ANKRD12: variants seen among roughly 807,000 people sequenced by gnomAD.
The protein encoded by ANKRD12 is ankyrin repeat domain-containing protein 12.
ANKRD12 carries 85 observed loss-of-function variants against 183.4 expected under a neutral mutation model. The ratio of observed to expected loss-of-function variants is 0.46; its 90% CI spans 0.39 to 0.56. ANKRD12 has a LOEUF of 0.56. ANKRD12 is among the 20% of genes least tolerant of loss of function. The probability of loss-of-function intolerance (pLI) is 0.00; values close to 1 mark genes in which losing one functional copy is unlikely to be tolerated. For missense variants in ANKRD12, 2,405 were observed against 2,357.1 expected (o/e 1.02, Z -0.42); for synonymous variants, 914 against 800.2 (o/e 1.14, Z -2.40).
intron 1 of ANKRD12, among the ~76,000 whole-genome samples, chr18:9,179,001 A>G (rs1371599956): frequency 6.6e-6 from 1 of 152,102 alleles, no homozygotes; most frequent in Non-Finnish European, 1.5e-5. Context: ...ATTCTTACAC[A>G]TATTTTGTTA....
chr18:9,230,711 T>A (rs1181991578), intron 8 of ANKRD12, among the ~76,000 whole-genome samples: 1 of 151,760 alleles, frequency 6.6e-6, no homozygotes, highest in East Asian at 1.9e-4. Flanking sequence ...CAGGCTTGAG[T>A]GCAGTGGCAC....
intron 1 of ANKRD12, among the ~76,000 whole-genome samples, chr18:9,141,342 C>A (rs958388421): frequency 6.6e-6 from 1 of 152,120 alleles, no homozygotes; most frequent in African/African-American, 2.4e-5. Context: ...CTATTGATAT[C>A]ATGCTTCTAA....
At chr18:9,174,087 T>C (rs1397801172) in intron 1 of ANKRD12, among the ~76,000 whole-genome samples, 1 of 152,196 alleles carries the variant, frequency 6.6e-6, no homozygotes, top group Non-Finnish European at 1.5e-5. Flanking sequence ...GGCCACGATC[T>C]GGCACAGCAG....
At chr18:9,180,891 T>C (rs542269816) in intron 1 of ANKRD12, among the ~76,000 whole-genome samples, 87 of 152,316 alleles carry the variant, frequency 5.7e-4, no homozygotes, top group African/African-American at 1.9e-3. Context: ...AAAGGAGACA[T>C]TGTTTTATCT....
chr18:9,224,951 T>C (rs1235229465), intron 8 of ANKRD12, among the ~76,000 whole-genome samples: 1 of 152,172 alleles, frequency 6.6e-6, no homozygotes, highest in East Asian at 1.9e-4. Flanking sequence ...TAAAAAGTCT[T>C]GTGGGCTGGG....
chr18:9,202,849 A>G (rs1452774821), intron 3 of ANKRD12, among the ~76,000 whole-genome samples: 2 of 152,216 alleles, frequency 1.3e-5, no homozygotes, highest in Admixed American at 6.5e-5. Context: ...GATGCCCCCA[A>G]TAGAAACATA....
chr18:9,260,444 A>G (rs2038898241), intron 9 of ANKRD12: 1 of 152,202 alleles, frequency 6.6e-6, no homozygotes, highest in African/African-American at 2.4e-5. Context: ...ATTTAATCAA[A>G]ATGCTGCCAT....
At chr18:9,251,667 G>A (rs960416354) in intron 8 of ANKRD12, among the ~76,000 whole-genome samples, 4 of 152,032 alleles carry the variant, frequency 2.6e-5, no homozygotes, top group Non-Finnish European at 4.4e-5. Flanking sequence ...GGTGGCAGGC[G>A]CCTGTAGTCC....
At chr18:9,181,461 G>A (rs2033695433) in intron 1 of ANKRD12, among the ~76,000 whole-genome samples, 1 of 152,166 alleles carries the variant, frequency 6.6e-6, no homozygotes, top group Non-Finnish European at 1.5e-5. Flanking sequence ...AGAGTTCAAA[G>A]TAATCTTGTC....
chr18:9,245,975 G>GT (rs1031301313), intron 8 of ANKRD12, among the ~76,000 whole-genome samples: 6 of 152,174 alleles, frequency 3.9e-5, no homozygotes, highest in African/African-American at 1.4e-4. Context: ...ATTTGAAGAT[G>GT]TAACTCTGCC....
In ANKRD12 at chr18:9,257,459, G is replaced by A. The variant is rs1363244541; in HGVS notation, c.4192G>A (p.Val1398Ile). The A allele has an allele frequency of 3.1e-6, 5 of 1,613,982 alleles. No individual in the cohort carries two copies. Among genetic ancestry groups the A allele is most frequent in the Non-Finnish European group, 4.2e-6 (5 of 1,180,004 alleles). Residue 1398 changes from valine to isoleucine, a missense_variant, in exon 9 of 13, where the codon GTA becomes ATA. By Grantham distance (29) the Val-to-Ile change is conservative. This residue lies in a region of ANKRD12 where 1,983 missense variants were observed against 1,725.9 expected (regional missense o/e 1.15). Coordinates refer to ENST00000262126, the MANE Select transcript of ANKRD12 (RefSeq NM_015208.5). Reference protein sequence around the residue: ...LIKNTAPVNTVMDSPVHLEPS... With the variant: ...LIKNTAPVNTIMDSPVHLEPS... ...CAAGAATACTGCCCCAGTGAACACT[G>A]TAATGGACAGTCCAGTGCATTTAGA...
At chr18:9,172,534 A>G (rs1204722218) in intron 1 of ANKRD12, among the ~76,000 whole-genome samples, 1 of 152,074 alleles carries the variant, frequency 6.6e-6, no homozygotes, top group Non-Finnish European at 1.5e-5. Context: ...TTGTGGTTGC[A>G]TTGTGAATTT....
chr18:9,259,137 G>A (rs112492760), intron 9 of ANKRD12, among the ~76,000 whole-genome samples: 7 of 152,222 alleles, frequency 4.6e-5, no homozygotes, highest in African/African-American at 1.7e-4. Flanking sequence ...AATTTTAGCC[G>A]AAATAATATG....
intron 9 of ANKRD12, among the ~76,000 whole-genome samples, chr18:9,262,055 G>A (rs28520663): frequency 0.074 from 11,287 of 152,292 alleles, 431 homozygotes; most frequent in African/African-American, 0.084. Context: ...CCAGTAAGTT[G>A]TTTGTCCTGT....
chr18:9,180,099 T>G (rs73392365), intron 1 of ANKRD12, among the ~76,000 whole-genome samples: 371 of 152,344 alleles, frequency 2.4e-3, no homozygotes, highest in African/African-American at 8.2e-3. Flanking sequence ...ATTTTGTCTA[T>G]CAGTTGGCCG....
intron 7 of ANKRD12, among the ~76,000 whole-genome samples, chr18:9,217,966 T>G (rs1178725720): frequency 1.3e-5 from 2 of 152,196 alleles, no homozygotes; most frequent in Non-Finnish European, 2.9e-5. Context: ...CCATCAGGCC[T>G]GACAACATGT....
intron 3 of ANKRD12, chr18:9,200,667 G>A (rs1370335899): frequency 6.6e-6 from 1 of 152,142 alleles, no homozygotes; most frequent in African/African-American, 2.4e-5. Flanking sequence ...TTCCTTATCT[G>A]TAAAAGTACA....
chr18:9,211,591 A>G lies in ANKRD12; in HGVS notation c.459A>G (p.Thr153=). Residue 153 remains threonine, a synonymous_variant, in exon 6 of 13, where the codon ACA becomes ACG. Transcript: ENST00000262126. ...CTTTCTTCTTTCTTACAGATTCCAC[A>G]CCAAATCATCCATCACAAACAACGC... ...MTARDNSPDS[T]PNHPSQTTPA... The G allele has an allele frequency of 6.2e-7, 1 of 1,613,696 alleles. No individual in the cohort carries two copies. The highest frequency in any genetic ancestry group is 8.5e-7 in the Non-Finnish European group (1 of 1,179,750).
chr18:9,240,274 C>T (rs1393230974), intron 8 of ANKRD12, among the ~76,000 whole-genome samples: 1 of 152,150 alleles, frequency 6.6e-6, no homozygotes, highest in Non-Finnish European at 1.5e-5. Flanking sequence ...ATGTTTGGCA[C>T]TTTTAAATTT....
Sources: allele counts gnomAD v4.1 joint callset (sites outside exome capture counted in the v4.1 genomes callset), GRCh38; gene constraint gnomAD v4.1.1; regional missense constraint gnomAD v4.1.1; transcripts MANE v1.5; gene names NCBI Gene and HGNC (gene_info 2026-07-23, HGNC 2026-07-21).